Variants in DDX60L observed in about 807,000 individuals in gnomAD.
DDX60L encodes DExD/H-box 60 like.
Under a neutral mutation model 211.6 loss-of-function variants are expected in DDX60L, and 191 were observed. The ratio of observed to expected loss-of-function variants is 0.90; its 90% CI spans 0.80 to 1.02. DDX60L has a LOEUF of 1.02. DDX60L is among the 50% of genes least tolerant of loss of function. The pLI is 0.00. For synonymous variants in DDX60L, 706 were observed against 694.1 expected, an observed-to-expected ratio of 1.02 and a Z score of -0.27; for missense variants, 2,007 against 1,984.1, an observed-to-expected ratio of 1.01 and a Z score of -0.22.
chr4:168,455,589 G>C (rs567698196), intron 7 of DDX60L, among the ~76,000 whole-genome samples: 2 of 152,098 alleles, frequency 1.3e-5, no homozygotes, highest in Non-Finnish European at 2.9e-5. Context: ...ATCGACAGGA[G>C]AGAGTGATAA....
chr4:168,478,435 T>C (rs1173877289), intron 1 of DDX60L, among the ~76,000 whole-genome samples: 2 of 152,214 alleles, frequency 1.3e-5, no homozygotes, highest in African/African-American at 4.8e-5. Flanking sequence ...TGGATACATT[T>C]CTTAGAGAAT....
At chr4:168,439,151 T>A (rs1354119919) in intron 10 of DDX60L, among the ~76,000 whole-genome samples, 1 of 152,154 alleles carries the variant, frequency 6.6e-6, no homozygotes. Flanking sequence ...ATATGGGTGC[T>A]CAGATGACAA....
intron 29 of DDX60L, chr4:168,390,503 T>C: frequency 7.1e-7 from 1 of 1,405,398 alleles, no homozygotes; most frequent in Non-Finnish European, 9.2e-7. Context: ...ACAGTCTTCA[T>C]ATTCCAGTCT....
intron 4 of DDX60L, 28 bp downstream of exon 4, chr4:168,471,719 T>C: frequency 6.4e-7 from 1 of 1,559,560 alleles, no homozygotes; most frequent in South Asian, 1.2e-5. Flanking sequence ...TTCAAAGGAC[T>C]AAAACGACAT....
At chr4:168,420,613 TACACAC>T (rs200084305) in intron 17 of DDX60L, among the ~76,000 whole-genome samples, 40 of 112,254 alleles carry the variant, frequency 3.6e-4, no homozygotes, top group South Asian at 8.3e-4. Context: ...CACACACACA[TACACAC>T]ACACACACAC....
chr4:168,405,313 A>G (rs765383944), intron 24 of DDX60L, among the ~76,000 whole-genome samples: 1 of 152,058 alleles, frequency 6.6e-6, no homozygotes, highest in Non-Finnish European at 1.5e-5. Flanking sequence ...CGGCCAACCC[A>G]TACCATTTTT....
chr4:168,465,805 T>C (rs1237649899), intron 4 of DDX60L, among the ~76,000 whole-genome samples: 3 of 152,202 alleles, frequency 2.0e-5, no homozygotes, highest in Non-Finnish European at 2.9e-5. Context: ...CATTTGGCTG[T>C]AAATACATGA....
chr4:168,454,890 T>A (rs1252763744), intron 7 of DDX60L, among the ~76,000 whole-genome samples: 1 of 149,714 alleles, frequency 6.7e-6, no homozygotes, highest in Admixed American at 6.8e-5. Flanking sequence ...CTATTACAAA[T>A]CCAAGTGAAA....
At chr4:168,414,013 G>T (rs1749110487) in intron 22 of DDX60L, among the ~76,000 whole-genome samples, 2 of 152,098 alleles carry the variant, frequency 1.3e-5, no homozygotes, top group East Asian at 1.9e-4. Flanking sequence ...TAACACAATG[G>T]TGCTCCTATA....
chr4:168,441,655 T>C (rs1200105800), intron 9 of DDX60L, among the ~76,000 whole-genome samples, 163 bp from the exon 10 acceptor site: 1 of 152,152 alleles, frequency 6.6e-6, no homozygotes, highest in African/African-American at 2.4e-5. Flanking sequence ...GTCATGACAC[T>C]ATGACAGTAC....
chr4:168,437,211 G>T (rs1044372169), intron 10 of DDX60L, among the ~76,000 whole-genome samples: 2 of 152,106 alleles, frequency 1.3e-5, no homozygotes, highest in African/African-American at 4.8e-5. Context: ...TTTGAAATAG[G>T]GTCTTTGCAG....
intron 3 of DDX60L, 57 bp downstream of exon 3, chr4:168,472,398 T>A (rs573091283): frequency 1.5e-6 from 2 of 1,307,202 alleles, no homozygotes; most frequent in South Asian, 2.6e-5. Flanking sequence ...AAGAGGGATG[T>A]GGAAACACAG....
chr4:168,372,114 T>A (rs1444115844), intron 35 of DDX60L, among the ~76,000 whole-genome samples: 1 of 152,086 alleles, frequency 6.6e-6, no homozygotes, highest in Non-Finnish European at 1.5e-5. Context: ...GAAGCTGATT[T>A]TAAGGTAGAA....
At chr4:168,412,549 G>A (rs1005331668) in intron 22 of DDX60L, among the ~76,000 whole-genome samples, 2 of 149,990 alleles carry the variant, frequency 1.3e-5, no homozygotes, top group African/African-American at 4.8e-5. Flanking sequence ...CTGACTCCAA[G>A]CCCTGGATCC....
At chr4:168,470,838 CTA>C in intron 4 of DDX60L, 1 of 252,152 alleles carries the variant, frequency 4.0e-6, no homozygotes, top group Non-Finnish European at 7.9e-6. Flanking sequence ...GAAACTCCAT[CTA>C]AAAAAAAAAA....
intron 17 of DDX60L, among the ~76,000 whole-genome samples, chr4:168,420,986 T>G (rs1207125244): frequency 6.6e-6 from 1 of 152,206 alleles, no homozygotes; most frequent in Non-Finnish European, 1.5e-5. Flanking sequence ...GTTTGGTGTC[T>G]CTTATCCAGC....
intron 19 of DDX60L, among the ~76,000 whole-genome samples, 158 bp from the exon 20 acceptor site, chr4:168,416,955 C>T (rs1035875123): frequency 2.0e-5 from 3 of 152,212 alleles, no homozygotes; most frequent in South Asian, 4.1e-4. Flanking sequence ...CATCATGACA[C>T]TTAACTGTCT....
intron 14 of DDX60L, 109 bp from the exon 15 acceptor site, chr4:168,423,883 T>A: frequency 1.5e-6 from 1 of 645,872 alleles, no homozygotes; most frequent in Non-Finnish European, 2.4e-6. Context: ...TAAACCTCAC[T>A]ATTTTACTTG....
In DDX60L at chr4:168,379,753, C is replaced by A; in HGVS notation, c.4194G>T (p.Leu1398Phe). 6.2e-7 allele frequency: 1 copy of A among 1,612,928 alleles called. No homozygotes were observed. Residue 1398 changes from leucine to phenylalanine, a missense_variant, in exon 31 of 38, where the codon TTG becomes TTT. Transcript: ENST00000682922. ...CTTTGATAAGGAGCTGCAAGGAAAACAAAAAGTAAAGTTTCAAAGTCTCCA... is the reference window on the plus strand; with the variant it reads ...CTTTGATAAGGAGCTGCAAGGAAAAAAAAAAGTAAAGTTTCAAAGTCTCCA... ...RAMETLKLYF[L>F]FSLQLLIKED... is the part of the protein sequence containing the mutation.
Sources: gnomAD v4.1 joint callset for allele counts (sites outside exome capture counted in the v4.1 genomes callset) on GRCh38, gnomAD v4.1.1 for gene constraint, MANE v1.5 for transcripts, NCBI Gene and HGNC (gene_info 2026-07-23, HGNC 2026-07-21) for gene names.